Variants in RRP12 observed in about 807,000 individuals in gnomAD.
RRP12 encodes the protein RRP12-like protein.
Under a neutral mutation model 157.3 loss-of-function variants are expected in RRP12, and 78 were observed. That is an observed-to-expected ratio of 0.50 (90% confidence interval 0.41 to 0.60). The LOEUF (loss-of-function observed/expected upper bound fraction) is 0.60. RRP12 is among the 20% of genes least tolerant of loss of function. The pLI, the probability that RRP12 is intolerant of heterozygous loss-of-function variation, is 0.00. For missense variants in RRP12, 1,521 were observed against 1,679.9 expected (o/e 0.91, Z 1.65); for synonymous variants, 726 against 670.9 (o/e 1.08, Z -1.27).
chr10:97,358,681 A>G (rs576318299), intron 32 of RRP12, 62 bp from the exon 33 acceptor site: 13 of 1,254,298 alleles, frequency 1.0e-5, no homozygotes, highest in African/African-American at 1.5e-5. Context: ...TCCCTGCCCT[A>G]GACTTGACAG....
At chr10:97,370,045 G>A in intron 24 of RRP12, 122 bp downstream of exon 24, 1 of 697,156 alleles carries the variant, frequency 1.4e-6, no homozygotes, top group Non-Finnish European at 2.4e-6. Flanking sequence ...ACTGGGCTGG[G>A]TGTGGCTTTT....
Position 97,356,988 on chromosome 10 carries a change from G to T in RRP12, c.*106C>A, listed in dbSNP as rs1203330327. 3 of 669,570 alleles carry T rather than the reference G, an allele frequency of 4.5e-6. No homozygotes were observed. The highest frequency in any genetic ancestry group is 3.7e-5 in the African/African-American group (2 of 54,602). The allele number at this position is 669,570 out of a possible 1,614,324, so 41.5% of individuals were successfully genotyped here. On this transcript the variant is annotated 3_prime_UTR_variant, in exon 34 of 34. Coordinates refer to ENST00000370992, the MANE Select transcript of RRP12 (RefSeq NM_015179.4). ...AAGCCCTAGTTCCAAGTCATCCTGA[G>T]TCCAGGCTCTGCCAGAATCTTGAGC... is the stretch of plus-strand genomic sequence containing the variant.
intron 17 of RRP12, 119 bp downstream of exon 17, chr10:97,373,456 G>C (rs544018664): frequency 1.2e-5 from 14 of 1,202,320 alleles, no homozygotes; most frequent in Non-Finnish European, 1.6e-5. Context: ...AGCAGCAAAG[G>C]ATGAGCTCCA....
At chr10:97,383,055 C>G (rs1050000909) in intron 10 of RRP12, among the ~76,000 whole-genome samples, 1 of 152,170 alleles carries the variant, frequency 6.6e-6, no homozygotes, top group Non-Finnish European at 1.5e-5. Flanking sequence ...AGCCACTGTG[C>G]CAGGCCCACT....
chr10:97,368,511 C>T (rs1005249453), intron 25 of RRP12, among the ~76,000 whole-genome samples: 3 of 151,612 alleles, frequency 2.0e-5, no homozygotes, highest in African/African-American at 7.3e-5. Flanking sequence ...GCACCTGCCA[C>T]CTCGCCCAGC....
intron 22 of RRP12, 47 bp downstream of exon 22, chr10:97,370,669 G>T: frequency 6.2e-6 from 10 of 1,606,320 alleles, no homozygotes; most frequent in Non-Finnish European, 8.5e-6. Flanking sequence ...AGGCCCTTAA[G>T]AGCCACATTC....
At chr10:97,375,590 A>C (rs1364254482) in intron 15 of RRP12, among the ~76,000 whole-genome samples, 1 of 152,170 alleles carries the variant, frequency 6.6e-6, no homozygotes, top group Non-Finnish European at 1.5e-5. Flanking sequence ...GACAAAGGGA[A>C]TACATAACAT....
chr10:97,398,179 C>A (rs1232669489), intron 2 of RRP12, among the ~76,000 whole-genome samples: 1 of 94,534 alleles, frequency 1.1e-5, no homozygotes, highest in African/African-American at 5.1e-5. Context: ...CTCAGCCTCC[C>A]GAGTAGCTGG....
rs1480294528 is a variant in RRP12 at position 97,400,464 on chromosome 10, G to A, written c.210C>T (p.Gly70=). ...TGGGCGTCTCCGGGGCTTCGCTTTT[G>A]CCCAAGCGCAAGGACCCTGACTGCA... ...NELQSGSLRL[G]KSEAPETPME... Residue 70 remains glycine, a synonymous_variant, in exon 2 of 34, where the codon GGC becomes GGT. Transcript: ENST00000370992. 6.2e-7 allele frequency: 1 copy of A among 1,614,070 alleles called. No individual in the cohort carries two copies. Among genetic ancestry groups the A allele is most frequent in the Non-Finnish European group, 8.5e-7 (1 of 1,180,024 alleles).
chr10:97,373,240 C>T (rs1564754999), intron 17 of RRP12, 40 bp from the exon 18 acceptor site: 2 of 1,594,606 alleles, frequency 1.3e-6, no homozygotes, highest in East Asian at 4.5e-5. Flanking sequence ...GGCACAGGAG[C>T]TGACTGTGCC....
intron 3 of RRP12, among the ~76,000 whole-genome samples, chr10:97,396,002 T>TA (rs1052128356): frequency 1.1e-4 from 16 of 151,602 alleles, no homozygotes; most frequent in African/African-American, 2.9e-4. Flanking sequence ...CCTGTCTCTT[T>TA]AAAAAAAAGA....
At chr10:97,373,370 G>A (rs1257377893) in intron 17 of RRP12, among the ~76,000 whole-genome samples, 170 bp from the exon 18 acceptor site, 1 of 152,196 alleles carries the variant, frequency 6.6e-6, no homozygotes, top group Non-Finnish European at 1.5e-5. Flanking sequence ...AGAGCCTGGT[G>A]CCCCAGTGGC....
At chr10:97,387,743 C>T (rs1844676195) in intron 8 of RRP12, among the ~76,000 whole-genome samples, 1 of 151,586 alleles carries the variant, frequency 6.6e-6, no homozygotes, top group Non-Finnish European at 1.5e-5. Context: ...GAGTTCAAGA[C>T]CAGCCTGATC....
At chr10:97,365,850 G>C in intron 29 of RRP12, 1 of 457,746 alleles carries the variant, frequency 2.2e-6, no homozygotes, top group Non-Finnish European at 3.9e-6. Context: ...GAGACTAACA[G>C]CGTATCACAC....
intron 10 of RRP12, 36 bp from the exon 11 acceptor site, chr10:97,381,862 G>C: frequency 6.6e-7 from 1 of 1,522,526 alleles, no homozygotes; most frequent in Non-Finnish European, 9.1e-7. Context: ...GGCCTGGCCT[G>C]AGCCCTGGGG....
At chr10:97,371,468 C>A (rs779424331) in intron 20 of RRP12, 2 of 237,660 alleles carry the variant, frequency 8.4e-6, no homozygotes, top group South Asian at 1.4e-4. Context: ...ACTCCCCCAA[C>A]CCCCAACGCC....
At chr10:97,360,719 G>T in intron 30 of RRP12, 101 bp from the exon 31 acceptor site, 1 of 874,266 alleles carries the variant, frequency 1.1e-6, no homozygotes, top group Non-Finnish European at 2.0e-6. Flanking sequence ...AAGCAGGAGA[G>T]GCCCTCTGCT....
chr10:97,369,646 C>T, intron 24 of RRP12, 64 bp from the exon 25 acceptor site: 1 of 1,481,546 alleles, frequency 6.7e-7, no homozygotes, highest in East Asian at 2.5e-5. Flanking sequence ...AAACCTTCCC[C>T]ACTGGAAAAC....
chr10:97,369,108 G>A (rs1184524362), intron 25 of RRP12, among the ~76,000 whole-genome samples: 1 of 152,012 alleles, frequency 6.6e-6, no homozygotes, highest in Non-Finnish European at 1.5e-5. Context: ...CAGCGTCTGA[G>A]TCCCATGATC....
Sources: gnomAD v4.1 joint callset for allele counts (sites outside exome capture counted in the v4.1 genomes callset) on GRCh38, gnomAD v4.1.1 for gene constraint, MANE v1.5 for transcripts, NCBI Gene and HGNC (gene_info 2026-07-23, HGNC 2026-07-21) for gene names.